PIK3C2B: variants seen among roughly 807,000 people sequenced by gnomAD.
The protein encoded by PIK3C2B is phosphatidylinositol 4-phosphate 3-kinase C2 domain-containing subunit beta.
Under a neutral mutation model 184.3 loss-of-function variants are expected in PIK3C2B, and 83 were observed. The ratio of observed to expected loss-of-function variants is 0.45; its 90% confidence interval spans 0.38 to 0.54. The LOEUF (loss-of-function observed/expected upper bound fraction) is 0.54. PIK3C2B is among the 20% of genes least tolerant of loss of function. The pLI, the probability that PIK3C2B is intolerant of heterozygous loss-of-function variation, is 0.00. For synonymous variants in PIK3C2B, 779 were observed against 837.6 expected, an observed-to-expected ratio of 0.93 and a Z score of 1.21; for missense variants, 1,736 against 2,113.5, an observed-to-expected ratio of 0.82 and a Z score of 3.50.
intron 32 of PIK3C2B, 43 bp from the exon 33 acceptor site, chr1:204,425,083 A>C (rs995556057): frequency 1.3e-6 from 2 of 1,546,054 alleles, no homozygotes. Flanking sequence ...GAGAGAAGGA[A>C]CAAGAAGAAT....
intron 29 of PIK3C2B, among the ~76,000 whole-genome samples, chr1:204,429,706 CCTTT>C (rs61758003): frequency 0.14 from 21,466 of 152,120 alleles, 2,004 homozygotes; most frequent in African/African-American, 0.26. Flanking sequence ...GATGCATTCA[CCTTT>C]CTGTTTAATT....
At chr1:204,472,510 G>A (rs967642028) in intron 1 of PIK3C2B, among the ~76,000 whole-genome samples, 1 of 151,828 alleles carries the variant, frequency 6.6e-6, no homozygotes, top group Admixed American at 6.6e-5. Context: ...CGGATACGGT[G>A]GCTCACGCCT....
At position 204,449,954 on chromosome 1, in the gene PIK3C2B, A is replaced by G. The variant is rs1182322898; in HGVS notation, c.2130T>C (p.Tyr710=). 10 of 1,609,874 alleles carry G rather than the reference A, an allele frequency of 6.2e-6. No individual in the cohort carries two copies. The East Asian group carries it at 8.9e-5, about 14-fold the overall frequency. Residue 710 remains tyrosine (Y), a synonymous_variant, in exon 13 of 33, where the codon TAT becomes TAC. Coordinates refer to ENST00000684373, the MANE Select transcript of PIK3C2B (RefSeq NM_001377334.1). ...TCCCCGGTGGGGGGATGGGCAGAGCATAGAGAGTGGCACACAGCAGTGTCT... is the reference window on the plus strand; with the variant it reads ...TCCCCGGTGGGGGGATGGGCAGAGCGTAGAGAGTGGCACACAGCAGTGTCT... The part of the protein sequence containing the change: ...PRETLLCATL[Y]ALPIPPPGSS...
At chr1:204,428,869 C>T (rs1226610812) in intron 29 of PIK3C2B, 2 of 454,420 alleles carry the variant, frequency 4.4e-6, no homozygotes, top group East Asian at 1.4e-4. Flanking sequence ...TATATAGGTG[C>T]TAATTATATT....
At position 204,449,860 on chromosome 1, in the gene PIK3C2B, T is replaced by A. The variant is rs768377912; in HGVS notation, c.2224A>T (p.Asn742Tyr). 3 of 1,610,326 alleles carry A rather than the reference T, an allele frequency of 1.9e-6. No homozygotes were observed. In the Admixed American group the frequency reaches 5.0e-5, roughly 27 times the overall value. The change falls in exon 13 of 33, where the codon AAC becomes TAC. Residue 742 changes from asparagine to tyrosine, a missense_variant. Around this residue, in one of 8 missense-constraint regions of PIK3C2B, gnomAD observed 609 missense variants for 699.2 expected, o/e 0.87. Coordinates refer to ENST00000684373, the MANE Select transcript of PIK3C2B (RefSeq NM_001377334.1). ...ALGWVTTPLF[N>Y]FRQVLTCGRK... ...CTGGGGCTCACATACTGCCTGAAGT[T>A]GAAGAGTGGGGTAGTGACCCAGCCC...
At chr1:204,460,287 T>C (rs2103503656) in intron 7 of PIK3C2B, 37 bp downstream of exon 7, 1 of 1,515,636 alleles carries the variant, frequency 6.6e-7, no homozygotes, top group Non-Finnish European at 9.2e-7. Flanking sequence ...TGCACAGTTC[T>C]TGTTTGGAGC....
chr1:204,484,314 A>C (rs182845782), intron 1 of PIK3C2B, among the ~76,000 whole-genome samples: 46 of 152,356 alleles, frequency 3.0e-4, no homozygotes, highest in Admixed American at 2.8e-3. Flanking sequence ...GGGATGCAAT[A>C]ATTGGCCCAA....
intron 15 of PIK3C2B, among the ~76,000 whole-genome samples, chr1:204,446,549 C>T (rs1653888471): frequency 6.6e-6 from 1 of 152,172 alleles, no homozygotes; most frequent in African/African-American, 2.4e-5. Context: ...GCACCACGCT[C>T]AATAGAACCA....
At chr1:204,449,642 C>T (rs1654181061) in intron 13 of PIK3C2B, among the ~76,000 whole-genome samples, 1 of 152,180 alleles carries the variant, frequency 6.6e-6, no homozygotes, top group Non-Finnish European at 1.5e-5. Flanking sequence ...TAACATGGTC[C>T]TGTGCCACCA....
intron 31 of PIK3C2B, among the ~76,000 whole-genome samples, chr1:204,427,137 A>G (rs941110825): frequency 4.3e-5 from 6 of 139,010 alleles, no homozygotes; most frequent in Non-Finnish European, 8.0e-5. Flanking sequence ...ACTCCATTTC[A>G]AAAAAAAAAA....
chr1:204,469,407 A>G lies in PIK3C2B; in HGVS notation c.396T>C (p.Asp132=). The G allele has an allele frequency of 6.5e-7, 1 of 1,546,332 alleles. No homozygotes were observed. The highest frequency in any genetic ancestry group is 8.7e-7 in the Non-Finnish European group (1 of 1,151,450). ...ACGAAGAGACTCCCCCATCTGAACC[A>G]TCAAAAATGTAGAGATAGTCTCCAG... ...SLSGDYLYIF[D]GSDGGVSSSP... Residue 132 remains aspartate, a synonymous_variant, in exon 2 of 33, where the codon GAT becomes GAC. Coordinates refer to ENST00000684373, the MANE Select transcript of PIK3C2B (RefSeq NM_001377334.1).
chr1:204,487,996 A>T (rs891088559), intron 1 of PIK3C2B, among the ~76,000 whole-genome samples: 7 of 152,240 alleles, frequency 4.6e-5, no homozygotes, highest in South Asian at 2.1e-4. Flanking sequence ...ATTTACATGC[A>T]TCAGGCACTG....
intron 1 of PIK3C2B, among the ~76,000 whole-genome samples, chr1:204,481,433 A>G (rs1164854795): frequency 6.6e-6 from 1 of 151,614 alleles, no homozygotes; most frequent in Non-Finnish European, 1.5e-5. Context: ...AATTTTTTGT[A>G]TTTTTAGTAG....
At chr1:204,465,525 G>T (rs1353880562) in intron 2 of PIK3C2B, among the ~76,000 whole-genome samples, 1 of 152,244 alleles carries the variant, frequency 6.6e-6, no homozygotes, top group African/African-American at 2.4e-5. Flanking sequence ...GAAGAAGGAG[G>T]CGAAGCTCTG....
intron 29 of PIK3C2B, among the ~76,000 whole-genome samples, chr1:204,429,075 A>C (rs559163354): frequency 6.6e-6 from 1 of 152,210 alleles, no homozygotes; most frequent in African/African-American, 2.4e-5. Flanking sequence ...AAAAAATACA[A>C]AAATTAGCCG....
intron 28 of PIK3C2B, 117 bp downstream of exon 28, chr1:204,431,552 G>A: frequency 3.9e-6 from 5 of 1,290,000 alleles, no homozygotes; most frequent in Non-Finnish European, 5.6e-6. Context: ...AAGCAAAGCA[G>A]GCAGATGTTT....
chr1:204,440,767 A>T (rs1489069402), intron 21 of PIK3C2B, among the ~76,000 whole-genome samples: 6 of 8,432 alleles, frequency 7.1e-4, no homozygotes, highest in African/African-American at 7.7e-4. Flanking sequence ...CAGCTAATTT[A>T]TATATATATA....
intron 17 of PIK3C2B, 45 bp downstream of exon 17, chr1:204,444,286 T>G (rs1653655824): frequency 6.5e-7 from 1 of 1,537,740 alleles, no homozygotes; most frequent in East Asian, 2.2e-5. Context: ...CTTGGGATAC[T>G]GGGGATGGGA....
At chr1:204,465,087 A>G (rs1485498967) in intron 3 of PIK3C2B, 132 bp downstream of exon 3, 3 of 672,582 alleles carry the variant, frequency 4.5e-6, no homozygotes, top group Non-Finnish European at 8.1e-6. Flanking sequence ...TGTAGGAAGC[A>G]TTTTCATAGC....
Sources: gnomAD v4.1 joint callset for allele counts (sites outside exome capture counted in the v4.1 genomes callset) on GRCh38, gnomAD v4.1.1 for gene constraint, gnomAD v4.1.1 regional missense constraint, MANE v1.5 for transcripts, NCBI Gene and HGNC (gene_info 2026-07-23, HGNC 2026-07-21) for gene names.